Variants in NUDCD1 observed in about 807,000 individuals in gnomAD.
NUDCD1 encodes the protein NudC domain containing 1.
Under a neutral mutation model 67.8 loss-of-function variants are expected in NUDCD1, and 60 were observed. The observed-to-expected ratio is 0.88, with a 90% CI of 0.72 to 1.10. NUDCD1 has a LOEUF of 1.10. Ranked by LOEUF, NUDCD1 falls within the 50% of genes least tolerant of loss-of-function variation. The probability of loss-of-function intolerance (pLI) is 0.00; values close to 1 mark genes in which losing one functional copy is unlikely to be tolerated. For synonymous variants in NUDCD1, 244 were observed against 230.8 expected (o/e 1.06, Z -0.52); for missense variants, 643 against 695.0 (o/e 0.93, Z 0.84).
At chr8:109,285,896 C>T (rs1383003326) in intron 5 of NUDCD1, among the ~76,000 whole-genome samples, 7 of 152,036 alleles carry the variant, frequency 4.6e-5, no homozygotes, top group Non-Finnish European at 1.0e-4. Flanking sequence ...ACCTAGAAAA[C>T]CCTAAAGATT....
In NUDCD1 at chr8:109,296,465, C is replaced by T; in HGVS notation, c.378G>A (p.Trp126Ter). 6.2e-7 allele frequency: 1 copy of T among 1,613,448 alleles called. No homozygotes were observed. The highest frequency in any genetic ancestry group is 1.3e-5 in the African/African-American group (1 of 75,000). ...TTCCAGTTCCATCTGACAAGGTAAC[C>T]CAGGTAGAAGATGAGAAATGGATAG... ...CASIHFSSST[W>*]VTLSDGTGRL... Residue 126 changes from tryptophan (W) to a stop codon, truncating the protein, a stop_gained, in exon 3 of 10, where the codon TGG becomes TGA. Coordinates refer to ENST00000239690, the MANE Select transcript of NUDCD1 (RefSeq NM_032869.4). LOFTEE classifies it high-confidence loss of function.
intron 8 of NUDCD1, among the ~76,000 whole-genome samples, chr8:109,270,085 CCT>C (rs1814108193): frequency 2.0e-4 from 1 of 5,078 alleles, no homozygotes; most frequent in Non-Finnish European, 3.5e-4. Context: ...GGGGGGGGTG[CCT>C]TAAGGTGGGG....
chr8:109,326,082 G>T (rs990358549), intron 1 of NUDCD1, among the ~76,000 whole-genome samples: 13 of 152,188 alleles, frequency 8.5e-5, no homozygotes, highest in African/African-American at 3.1e-4. Flanking sequence ...ATAAGGGCCT[G>T]AAGCAGTAAT....
intron 5 of NUDCD1, among the ~76,000 whole-genome samples, chr8:109,283,375 G>T (rs1028383078): frequency 6.6e-6 from 1 of 152,132 alleles, no homozygotes; most frequent in Non-Finnish European, 1.5e-5. Flanking sequence ...ATGTTTGAGG[G>T]AATAATTCAG....
intron 2 of NUDCD1, among the ~76,000 whole-genome samples, chr8:109,321,995 C>A (rs1815551299): frequency 6.6e-6 from 1 of 152,016 alleles, no homozygotes; most frequent in African/African-American, 2.4e-5. Context: ...AAAGCAAATT[C>A]ATCATTATAG....
intron 1 of NUDCD1, among the ~76,000 whole-genome samples, chr8:109,332,656 CAAT>C (rs1293723213): frequency 6.6e-6 from 1 of 152,132 alleles, no homozygotes; most frequent in African/African-American, 2.4e-5. Flanking sequence ...GACTTGTGAG[CAAT>C]AATAACTGCT....
At chr8:109,321,873 G>A (rs1815548684) in intron 2 of NUDCD1, among the ~76,000 whole-genome samples, 1 of 151,974 alleles carries the variant, frequency 6.6e-6, no homozygotes, top group Admixed American at 6.6e-5. Flanking sequence ...AGAACCTAGA[G>A]ATAAAGAGAC....
intron 8 of NUDCD1, among the ~76,000 whole-genome samples, chr8:109,270,610 G>T (rs1814127034): frequency 6.6e-6 from 1 of 151,974 alleles, no homozygotes; most frequent in Non-Finnish European, 1.5e-5. Context: ...ATTACTTATT[G>T]TAATGTGTAG....
chr8:109,314,823 TA>T (rs1355292717), intron 2 of NUDCD1, among the ~76,000 whole-genome samples: 2 of 152,082 alleles, frequency 1.3e-5, no homozygotes, highest in Non-Finnish European at 2.9e-5. Flanking sequence ...TATATATTTA[TA>T]AAAAACATCT....
At chr8:109,289,699 T>C in intron 5 of NUDCD1, 52 bp downstream of exon 5, 2 of 942,840 alleles carry the variant, frequency 2.1e-6, no homozygotes, top group South Asian at 3.1e-5. Flanking sequence ...ATAAAAGACA[T>C]AAATATATGT....
At chr8:109,333,607 A>G (rs930602017) in intron 1 of NUDCD1, among the ~76,000 whole-genome samples, 1 of 152,068 alleles carries the variant, frequency 6.6e-6, no homozygotes, top group Admixed American at 6.5e-5. Flanking sequence ...CAGCAGCCAG[A>G]GCCCCAGGCA....
At chr8:109,273,391 G>A (rs917899034) in intron 7 of NUDCD1, among the ~76,000 whole-genome samples, 1 of 152,000 alleles carries the variant, frequency 6.6e-6, no homozygotes, top group African/African-American at 2.4e-5. Flanking sequence ...TAAGAAGGTA[G>A]GCAAAAATTT....
chr8:109,274,336 T>C (rs929147191), intron 7 of NUDCD1, among the ~76,000 whole-genome samples: 4 of 152,152 alleles, frequency 2.6e-5, no homozygotes, highest in African/African-American at 4.8e-5. Flanking sequence ...AACACTAACA[T>C]TCAATTGAAA....
At position 109,242,896 on chromosome 8, in the gene NUDCD1, C is replaced by A. The variant is rs1198688376; in HGVS notation, c.*113G>T. 7.2e-6 allele frequency: 4 copies of A among 553,894 alleles called. No homozygotes were observed. Among genetic ancestry groups the A allele is most frequent in the African/African-American group, 3.8e-5 (2 of 52,740 alleles). The allele number at this position is 553,894 out of a possible 1,614,324, so 34.3% of individuals were successfully genotyped here. On this transcript the variant is annotated 3_prime_UTR_variant, in exon 10 of 10. Transcript: ENST00000239690. ...CCAATGTTATTAAAAAATAAAAAAT[C>A]ATACAAGATATATTTAGCACATTAA...
At chr8:109,254,866 C>T (rs532232393) in intron 8 of NUDCD1, among the ~76,000 whole-genome samples, 8 of 152,232 alleles carry the variant, frequency 5.3e-5, no homozygotes, top group African/African-American at 1.9e-4. Flanking sequence ...CAGATTGAAA[C>T]TTTAATTCCA....
At chr8:109,321,466 G>A (rs1815535240) in intron 2 of NUDCD1, among the ~76,000 whole-genome samples, 1 of 151,936 alleles carries the variant, frequency 6.6e-6, no homozygotes, top group Non-Finnish European at 1.5e-5. Context: ...ATACAAACAG[G>A]TTTAAATAAA....
intron 5 of NUDCD1, among the ~76,000 whole-genome samples, chr8:109,282,000 T>C (rs1298325213): frequency 6.6e-6 from 1 of 152,068 alleles, no homozygotes; most frequent in Admixed American, 6.6e-5. Context: ...GCTCATGCCA[T>C]CCCCCGAACC....
chr8:109,310,211 T>C (rs1815209822), intron 2 of NUDCD1, among the ~76,000 whole-genome samples: 1 of 152,136 alleles, frequency 6.6e-6, no homozygotes, highest in African/African-American at 2.4e-5. Context: ...TTTCCTGATT[T>C]CAAACTATAC....
intron 1 of NUDCD1, among the ~76,000 whole-genome samples, chr8:109,330,267 C>T (rs895008826): frequency 3.3e-5 from 5 of 152,238 alleles, no homozygotes; most frequent in South Asian, 2.1e-4. Context: ...AATTTTGGTA[C>T]AACTTAATAA....
Sources: allele counts gnomAD v4.1 joint callset (sites outside exome capture counted in the v4.1 genomes callset), GRCh38; gene constraint gnomAD v4.1.1; transcripts MANE v1.5; gene names NCBI Gene and HGNC (gene_info 2026-07-23, HGNC 2026-07-21).